The following WNK3 variants were observed in gnomAD, a reference collection of about 807,000 sequenced individuals.
WNK3 encodes WNK lysine deficient protein kinase 3, also known as serine/threonine-protein kinase WNK3.
WNK3 carries 18 observed loss-of-function variants against 116.7 expected under a neutral mutation model. The observed-to-expected ratio is 0.15, with a 90% confidence interval of 0.11 to 0.23. The LOEUF (loss-of-function observed/expected upper bound fraction) is 0.23. Ranked by LOEUF, WNK3 falls within the 10% of genes least tolerant of loss-of-function variation. WNK3 has a pLI of 1.00. For missense variants in WNK3, 993 were observed against 1,323.8 expected (o/e 0.75, Z 3.88); for synonymous variants, 404 against 469.4 (o/e 0.86, Z 1.80).
intron 22 of WNK3, among the ~76,000 whole-genome samples, chrX:54,208,318 G>A (rs1209505897): frequency 9.1e-6 from 1 of 109,751 alleles, no homozygotes; most frequent in Non-Finnish European, 1.9e-5. Flanking sequence ...TAGAGACGGG[G>A]TTTCACTGTG....
intron 1 of WNK3, among the ~76,000 whole-genome samples, chrX:54,348,508 TTTTA>T (rs782498072): frequency 3.4e-4 from 38 of 111,759 alleles, no homozygotes; most frequent in Non-Finnish European, 6.8e-4. Context: ...TTTTTTAAAC[TTTTA>T]TTTATTTAAG....
intron 1 of WNK3, among the ~76,000 whole-genome samples, chrX:54,347,697 C>CAT (rs1255207109): frequency 5.4e-4 from 52 of 96,641 alleles, no homozygotes; most frequent in African/African-American, 1.9e-3. Context: ...TATATATACA[C>CAT]ATATATATAT....
At chrX:54,316,183 G>C (rs1432257850) in intron 2 of WNK3, among the ~76,000 whole-genome samples, 2 of 111,022 alleles carry the variant, frequency 1.8e-5, no homozygotes, top group Non-Finnish European at 3.8e-5. Flanking sequence ...TGTATTTGGA[G>C]ACGGGACCTT....
intron 22 of WNK3, among the ~76,000 whole-genome samples, chrX:54,203,861 C>G (rs1217182698): frequency 9.1e-6 from 1 of 109,943 alleles, no homozygotes; most frequent in Non-Finnish European, 1.9e-5. Context: ...GCAAGAGAAT[C>G]GCTTGAACCA....
intron 11 of WNK3, among the ~76,000 whole-genome samples, chrX:54,256,444 T>C (rs1368056187): frequency 8.9e-5 from 10 of 112,086 alleles, no homozygotes; most frequent in African/African-American, 2.9e-4. Flanking sequence ...TAGCTCAACA[T>C]TATTAATTCT....
At chrX:54,262,946 A>G (rs782253004) in intron 10 of WNK3, among the ~76,000 whole-genome samples, 16,664 of 32,388 alleles carry the variant, frequency 0.51, 1,981 homozygotes, top group African/African-American at 0.68. Flanking sequence ...AAAAAAAAAA[A>G]AAGAAAAGAA....
intron 6 of WNK3, among the ~76,000 whole-genome samples, chrX:54,301,242 CAAAAA>C (rs782232400): frequency 2.9e-5 from 1 of 35,023 alleles, no homozygotes; most frequent in Non-Finnish European, 5.7e-5. Flanking sequence ...GACTCTGTCT[CAAAAA>C]AAAAAAAAAA....
At chrX:54,325,372 T>C (rs2069087068) in intron 2 of WNK3, among the ~76,000 whole-genome samples, 1 of 111,062 alleles carries the variant, frequency 9.0e-6, no homozygotes, top group African/African-American at 3.3e-5. Context: ...CTATGATGTT[T>C]CTATATTTAG....
chrX:54,253,889 T>C (rs949756394), intron 13 of WNK3, 70 bp downstream of exon 13: 7 of 729,512 alleles, frequency 9.6e-6, no homozygotes, highest in Non-Finnish European at 1.2e-5. Flanking sequence ...TCAAAATAAA[T>C]GGAGACAGAA....
intron 7 of WNK3, among the ~76,000 whole-genome samples, chrX:54,297,304 G>A (rs1223667898): frequency 8.9e-6 from 1 of 111,780 alleles, no homozygotes; most frequent in Non-Finnish European, 1.9e-5. Context: ...GCCGGGCACA[G>A]TGGCTGATAC....
chrX:54,252,602 G>A (rs926184775), intron 13 of WNK3, among the ~76,000 whole-genome samples: 9 of 107,968 alleles, frequency 8.3e-5, no homozygotes, highest in South Asian at 4.2e-4. Flanking sequence ...CCCAGGAGGC[G>A]GAGGTTGCAG....
chrX:54,211,754 G>A (rs1557143821), intron 22 of WNK3, among the ~76,000 whole-genome samples: 1 of 110,242 alleles, frequency 9.1e-6, no homozygotes, highest in Non-Finnish European at 1.9e-5. Context: ...GTAGCAGTGA[G>A]CCAAGATTGC....
At chrX:54,247,338 A>T (rs781950497) in intron 17 of WNK3, among the ~76,000 whole-genome samples, 177 of 111,375 alleles carry the variant, frequency 1.6e-3, no homozygotes, top group African/African-American at 5.4e-3. Context: ...AATTTAAAAA[A>T]TTTTTAAATC....
intron 1 of WNK3, among the ~76,000 whole-genome samples, chrX:54,342,190 C>T (rs1234093675): frequency 1.8e-5 from 2 of 111,671 alleles, no homozygotes; most frequent in Non-Finnish European, 3.8e-5. Flanking sequence ...ATCACTTGAT[C>T]CCAGGAGGCT....
chrX:54,348,551 T>C (rs1191563345), intron 1 of WNK3, among the ~76,000 whole-genome samples: 3 of 112,216 alleles, frequency 2.7e-5, no homozygotes, highest in Non-Finnish European at 5.6e-5. Context: ...ATAATGTATG[T>C]AATACATGTG....
rs782181573 is a variant in WNK3 at position 54,227,887 on chromosome X, T to C, written c.4870+827A>G. On this transcript the variant is annotated intron_variant, in intron 22 of 23. Coordinates refer to ENST00000354646, the Ensembl canonical transcript of WNK3. ...CAGAGTAGGCAAATCTTATTTTATT[T>C]TATTTATTTTATTTTATTTTTTTGA... Among the ~76,000 whole-genome samples the C allele has an allele frequency of 6.2e-5, 7 of 112,172 alleles. No individual in the cohort carries two copies. In the South Asian group the frequency reaches 1.8e-3, roughly 29 times the overall value.
intron 1 of WNK3, among the ~76,000 whole-genome samples, chrX:54,349,828 T>C (rs2069489486): frequency 9.0e-6 from 1 of 110,831 alleles, no homozygotes; most frequent in Non-Finnish European, 1.9e-5. Context: ...TGCAGTGAAC[T>C]ATGACCATGC....
chrX:54,324,717 T>C (rs1255891468), intron 2 of WNK3, among the ~76,000 whole-genome samples: 1 of 112,432 alleles, frequency 8.9e-6, no homozygotes, highest in Non-Finnish European at 1.9e-5. Context: ...GCCTATAATG[T>C]AATGAAGCAC....
intron 1 of WNK3, among the ~76,000 whole-genome samples, chrX:54,334,248 T>C (rs1159015123): frequency 8.9e-6 from 1 of 111,944 alleles, no homozygotes; most frequent in Non-Finnish European, 1.9e-5. Flanking sequence ...ATTTTAACCA[T>C]TTTTAATTAT....
Sources: gnomAD v4.1 joint callset for allele counts (sites outside exome capture counted in the v4.1 genomes callset) on GRCh38, gnomAD v4.1.1 for gene constraint, MANE v1.5 for transcripts, NCBI Gene and HGNC (gene_info 2026-07-23, HGNC 2026-07-21) for gene names.